KCNIP1: variants seen among roughly 807,000 people sequenced by gnomAD.
KCNIP1 encodes the protein A-type potassium channel modulatory protein KCNIP1.
Under a neutral mutation model 33.0 loss-of-function variants are expected in KCNIP1, and 18 were observed. That is an observed-to-expected ratio of 0.55 (90% CI 0.38 to 0.81). KCNIP1 has a LOEUF of 0.81. Among genes scored for constraint, KCNIP1 ranks in the 30% least tolerant of loss-of-function variants. The pLI, the probability that KCNIP1 is intolerant of heterozygous loss-of-function variation, is 0.00. For missense variants in KCNIP1, 238 were observed against 271.6 expected, an observed-to-expected ratio of 0.88 and a Z score of 0.87; for synonymous variants, 93 against 98.3, an observed-to-expected ratio of 0.95 and a Z score of 0.32.
At chr5:170,636,249 G>A (rs2113684646) in intron 1 of KCNIP1, among the ~76,000 whole-genome samples, 1 of 152,340 alleles carries the variant, frequency 6.6e-6, no homozygotes, top group East Asian at 1.9e-4. Flanking sequence ...AGCGTTTAAA[G>A]CTGTGACGCT....
At chr5:170,598,940 T>TGTG (rs1408858634) in intron 1 of KCNIP1, among the ~76,000 whole-genome samples, 1 of 149,504 alleles carries the variant, frequency 6.7e-6, no homozygotes, top group African/African-American at 2.5e-5. Context: ...TGTGTGTGTG[T>TGTG]GTTTGGTGGG....
chr5:170,629,618 G>C (rs184127935), intron 1 of KCNIP1, among the ~76,000 whole-genome samples: 86 of 152,276 alleles, frequency 5.6e-4, no homozygotes, highest in African/African-American at 2.0e-3. Context: ...GGCCTTTGCT[G>C]GTCCCTCCCT....
intron 1 of KCNIP1, among the ~76,000 whole-genome samples, chr5:170,407,278 G>A (rs1755060542): frequency 6.6e-6 from 1 of 152,232 alleles, no homozygotes; most frequent in African/African-American, 2.4e-5. Context: ...TGCGTAACAA[G>A]AAAGACAAGG....
rs556445279 is a variant in KCNIP1, at chr5:170,432,974, AGT to A, written c.88+79012_88+79013del. Among the ~76,000 whole-genome samples the A allele has an allele frequency of 8.1e-3, 1,237 of 152,292 alleles. 10 individuals are homozygous for A. The highest frequency in any genetic ancestry group is 0.014 in the Non-Finnish European group (958 of 68,024). On this transcript the variant is annotated intron_variant, in intron 1 of 7. Coordinates refer to the KCNIP1 transcript ENST00000377360. ...CGATCAGGGAATGTCTCTTTAAAGA[AGT>A]GACATTTAAGCTGAGGTCTAAAGGA...
intron 1 of KCNIP1, among the ~76,000 whole-genome samples, chr5:170,487,553 G>T (rs1757124485): frequency 6.7e-6 from 1 of 149,314 alleles, no homozygotes; most frequent in South Asian, 2.1e-4. Flanking sequence ...ACAGGGTCTG[G>T]CTGTGTCACC....
At chr5:170,436,139 G>A (rs901877661) in intron 1 of KCNIP1, among the ~76,000 whole-genome samples, 1 of 152,192 alleles carries the variant, frequency 6.6e-6, no homozygotes, top group African/African-American at 2.4e-5. Flanking sequence ...TCTCCAGGGG[G>A]TTCTGAGGCC....
intron 5 of KCNIP1, among the ~76,000 whole-genome samples, chr5:170,731,872 C>CA (rs1157286321): frequency 0.083 from 1,360 of 16,362 alleles, 72 homozygotes; most frequent in South Asian, 0.16. Context: ...GACTCCGTCT[C>CA]AAAAAAAAAA....
At chr5:170,423,171 A>G (rs1755535234) in intron 1 of KCNIP1, among the ~76,000 whole-genome samples, 1 of 152,224 alleles carries the variant, frequency 6.6e-6, no homozygotes, top group South Asian at 2.1e-4. Flanking sequence ...CTTTTTATAG[A>G]TAGGGAAACT....
intron 1 of KCNIP1, among the ~76,000 whole-genome samples, chr5:170,548,128 C>T (rs996999458): frequency 1.3e-5 from 2 of 152,112 alleles, no homozygotes; most frequent in African/African-American, 4.8e-5. Flanking sequence ...AAATTTTGAA[C>T]TAATGTATTT....
intron 1 of KCNIP1, among the ~76,000 whole-genome samples, chr5:170,513,389 A>T (rs1755012518): frequency 6.6e-6 from 1 of 152,164 alleles, no homozygotes; most frequent in Non-Finnish European, 1.5e-5. Context: ...AGATTTCCAG[A>T]TTTGCATTTC....
chr5:170,507,643 A>G (rs780933004), intron 1 of KCNIP1, among the ~76,000 whole-genome samples: 3 of 152,226 alleles, frequency 2.0e-5, no homozygotes, highest in Admixed American at 6.5e-5. Flanking sequence ...AGCCTGCTCA[A>G]TTAAAATCCT....
chr5:170,640,334 A>C (rs1287529558), intron 1 of KCNIP1, among the ~76,000 whole-genome samples: 2 of 152,336 alleles, frequency 1.3e-5, no homozygotes, highest in Non-Finnish European at 2.9e-5. Context: ...GCAGGGAAGA[A>C]ACCTGTTCAA....
rs1354344947 is a variant in KCNIP1, at chr5:170,358,936, C to A, written c.88+4972C>A. ...TCACGCCTGCCTGCACTACTCCCCA[C>A]CTTGCCACCAGCAGAGAGTCCCCCA... is the stretch of plus-strand genomic sequence containing the variant. On this transcript the variant is annotated intron_variant, in intron 1 of 7. Transcript: ENST00000377360. Among the ~76,000 whole-genome samples the A allele has an allele frequency of 2.0e-5, 3 of 152,216 alleles. No individual in the cohort carries two copies. The South Asian group carries it at 6.2e-4, about 32-fold the overall frequency.
chr5:170,589,190 G>T (rs908927856), intron 1 of KCNIP1, among the ~76,000 whole-genome samples: 1 of 151,736 alleles, frequency 6.6e-6, no homozygotes, highest in Admixed American at 6.6e-5. Flanking sequence ...TAGTAGAGAC[G>T]GGGTTTCACC....
intron 1 of KCNIP1, among the ~76,000 whole-genome samples, chr5:170,636,861 G>C (rs745627080): frequency 1.4e-4 from 21 of 152,128 alleles, no homozygotes; most frequent in Non-Finnish European, 2.2e-4. Context: ...TTCCCAATTT[G>C]CAGATGGATA....
chr5:170,367,529 G>A (rs1428237452), intron 1 of KCNIP1, among the ~76,000 whole-genome samples: 1 of 152,154 alleles, frequency 6.6e-6, no homozygotes, highest in Non-Finnish European at 1.5e-5. Context: ...TGGATGGATT[G>A]ATGGAGGATG....
chr5:170,488,454 T>C (rs1757141150), intron 1 of KCNIP1, among the ~76,000 whole-genome samples: 1 of 152,152 alleles, frequency 6.6e-6, no homozygotes. Flanking sequence ...CCATCATCAC[T>C]CTCTATGAAG....
intron 1 of KCNIP1, among the ~76,000 whole-genome samples, chr5:170,633,159 C>T (rs1036886795): frequency 1.3e-5 from 2 of 152,040 alleles, no homozygotes; most frequent in East Asian, 3.9e-4. Flanking sequence ...AGGATGGAGG[C>T]GGCCAGGGGC....
chr5:170,452,251 T>C (rs1270427503), intron 1 of KCNIP1, among the ~76,000 whole-genome samples: 1 of 152,158 alleles, frequency 6.6e-6, no homozygotes, highest in African/African-American at 2.4e-5. Flanking sequence ...TGCCAACAGA[T>C]GTTAGTTGAG....
Sources: allele counts gnomAD v4.1 joint callset (sites outside exome capture counted in the v4.1 genomes callset), GRCh38; gene constraint gnomAD v4.1.1; transcripts MANE v1.5; gene names NCBI Gene and HGNC (gene_info 2026-07-23, HGNC 2026-07-21).